Variants in ATP13A3 observed in about 807,000 individuals in gnomAD.
The protein encoded by ATP13A3 is polyamine-transporting ATPase 13A3.
Under a neutral mutation model 158.1 loss-of-function variants are expected in ATP13A3, and 59 were observed. The ratio of observed to expected loss-of-function variants is 0.37; its 90% CI spans 0.30 to 0.46. ATP13A3 has a LOEUF of 0.46. Among genes scored for constraint, ATP13A3 ranks in the 20% least tolerant of loss-of-function variants. The probability of loss-of-function intolerance (pLI) is 1.00; values close to 1 mark genes in which losing one functional copy is unlikely to be tolerated. For missense variants in ATP13A3, 1,166 were observed against 1,525.2 expected (o/e 0.76, Z 3.92); for synonymous variants, 491 against 504.3 (o/e 0.97, Z 0.35).
intron 2 of ATP13A3, among the ~76,000 whole-genome samples, chr3:194,483,527 C>T (rs897008373): frequency 6.6e-6 from 1 of 151,806 alleles, no homozygotes; most frequent in African/African-American, 2.4e-5. Context: ...AAGGTCAAGG[C>T]TGCAGTGAGC....
chr3:194,428,523 T>C (rs539180096), intron 28 of ATP13A3, among the ~76,000 whole-genome samples: 69 of 152,310 alleles, frequency 4.5e-4, no homozygotes, highest in African/African-American at 1.6e-3. Flanking sequence ...TATATCAATG[T>C]TAAATTTCCT....
chr3:194,429,608 C>T (rs975841595), intron 27 of ATP13A3, 70 bp downstream of exon 27: 1 of 1,201,334 alleles, frequency 8.3e-7, no homozygotes, highest in African/African-American at 1.5e-5. Context: ...CAAAATCAAA[C>T]ACATACGCTC....
intron 15 of ATP13A3, 41 bp downstream of exon 15, chr3:194,444,684 A>G (rs751084495): frequency 4.0e-6 from 6 of 1,502,942 alleles, no homozygotes; most frequent in African/African-American, 1.4e-5. Flanking sequence ...TTAAAATATT[A>G]AAAATAAACT....
intron 15 of ATP13A3, among the ~76,000 whole-genome samples, chr3:194,442,559 C>T (rs947870235): frequency 6.6e-6 from 1 of 151,920 alleles, no homozygotes; most frequent in African/African-American, 2.4e-5. Flanking sequence ...ACTGTAGATG[C>T]GAGAGTAGGG....
At chr3:194,486,536 C>A in intron 1 of ATP13A3, 30 bp downstream of exon 1, 2 of 152,442 alleles carry the variant, frequency 1.3e-5, no homozygotes, top group South Asian at 3.6e-4. Flanking sequence ...CCCCCGGCGC[C>A]GCTGCCCACC....
At chr3:194,460,028 TTTTCA>T in intron 4 of ATP13A3, 57 bp from the exon 5 acceptor site, 1 of 1,307,466 alleles carries the variant, frequency 7.6e-7, no homozygotes, top group Non-Finnish European at 1.1e-6. Flanking sequence ...ACTGCCTATA[TTTTCA>T]TTTATTTTCC....
At chr3:194,444,629 T>C in intron 15 of ATP13A3, 96 bp downstream of exon 15, 1 of 1,048,486 alleles carries the variant, frequency 9.5e-7, no homozygotes, top group Non-Finnish European at 1.4e-6. Context: ...CTGGTATAGG[T>C]ACACAGTTGT....
chr3:194,417,974 A>G (rs1190130348), intron 31 of ATP13A3, among the ~76,000 whole-genome samples: 1 of 113,864 alleles, frequency 8.8e-6, no homozygotes, highest in Non-Finnish European at 1.7e-5. Flanking sequence ...GAAGGAAGGA[A>G]GGAAGGAAGG....
intron 20 of ATP13A3, 27 bp from the exon 21 acceptor site, chr3:194,433,923 A>G: frequency 1.2e-6 from 2 of 1,606,910 alleles, no homozygotes; most frequent in Non-Finnish European, 8.5e-7. Context: ...TTTAACACAT[A>G]ATGGTTTAGT....
chr3:194,404,093 T>C lies in ATP13A3; in HGVS notation c.*1826A>G, dbSNP rs1230318981. On this transcript the variant is annotated 3_prime_UTR_variant, in exon 34 of 34. Coordinates refer to ENST00000645319, the MANE Select transcript of ATP13A3 (RefSeq NM_001367549.1). Reference sequence around the variant, plus strand: ...AAATCACTGAAGAATAACACGAGCATATTTGAAATTAATATGGAAATTATA... The same window carrying C: ...AAATCACTGAAGAATAACACGAGCACATTTGAAATTAATATGGAAATTATA... 2.2e-6 allele frequency: 1 copy of C among 451,408 alleles called. No individual in the cohort carries two copies. The highest frequency in any genetic ancestry group is 2.0e-5 in the African/African-American group (1 of 49,688). The allele number at this position is 451,408 out of a possible 1,614,324, so 28.0% of individuals were successfully genotyped here. A position where few individuals can be genotyped will look rare whatever the true frequency, so the allele number is the denominator to read the frequency against.
intron 31 of ATP13A3, among the ~76,000 whole-genome samples, chr3:194,414,107 T>C (rs1395427546): frequency 6.6e-6 from 1 of 152,106 alleles, no homozygotes; most frequent in Non-Finnish European, 1.5e-5. Flanking sequence ...CAAAAGCCCA[T>C]GCTCTACTAG....
At chr3:194,479,387 CTTA>C (rs1417375873) in intron 2 of ATP13A3, among the ~76,000 whole-genome samples, 2 of 151,972 alleles carry the variant, frequency 1.3e-5, no homozygotes, top group Non-Finnish European at 2.9e-5. Context: ...TACTAATCTA[CTTA>C]TTATAATTAG....
At chr3:194,422,683 C>G (rs1027289542) in intron 30 of ATP13A3, among the ~76,000 whole-genome samples, 1 of 151,918 alleles carries the variant, frequency 6.6e-6, no homozygotes, top group Non-Finnish European at 1.5e-5. Context: ...ACTATGGTAT[C>G]AAAATAAGGT....
At chr3:194,422,394 G>A (rs1261471394) in intron 30 of ATP13A3, among the ~76,000 whole-genome samples, 2 of 152,198 alleles carry the variant, frequency 1.3e-5, no homozygotes, top group African/African-American at 4.8e-5. Flanking sequence ...AAAACAAACT[G>A]TGTGTCACTG....
chr3:194,485,107 C>A (rs998897673), intron 2 of ATP13A3, among the ~76,000 whole-genome samples: 12 of 152,096 alleles, frequency 7.9e-5, no homozygotes, highest in African/African-American at 2.7e-4. Context: ...CTTTTCCTAC[C>A]CAATCCCCTG....
intron 17 of ATP13A3, 94 bp downstream of exon 17, chr3:194,438,762 G>A: frequency 1.3e-6 from 1 of 785,558 alleles, no homozygotes; most frequent in Non-Finnish European, 1.9e-6. Flanking sequence ...AACATAGCAA[G>A]ACCTTGTCTC....
chr3:194,424,217 T>C (rs1230041071), intron 30 of ATP13A3, among the ~76,000 whole-genome samples: 2 of 151,650 alleles, frequency 1.3e-5, no homozygotes, highest in African/African-American at 2.4e-5. Context: ...ATAAATAATA[T>C]AGTTATTTTT....
Position 194,430,059 on chromosome 3 carries a change from T to G in ATP13A3, c.2777+13A>C. ...AGAGAAAAAGGGATGAGAAAAATTT[T>G]AATTTGTACTACCTGATAAGGTTTG... On this transcript the variant is annotated intron_variant, in intron 26 of 33. Transcript: ENST00000645319. The G allele has an allele frequency of 6.3e-7, 1 of 1,593,522 alleles. No homozygotes were observed. Among genetic ancestry groups the G allele is most frequent in the Non-Finnish European group, 8.6e-7 (1 of 1,169,158 alleles).
At position 194,404,852 on chromosome 3, in the gene ATP13A3, A is replaced by G. The variant is rs1224532497; in HGVS notation, c.*1067T>C. The stretch of plus-strand genomic sequence containing the variant: ...CTGGCGCCACCTAATGGCATAAAAC[A>G]AACTCATCAAATTCATATTGCTTTG... On this transcript the variant is annotated 3_prime_UTR_variant, in exon 34 of 34. Coordinates refer to ENST00000645319, the MANE Select transcript of ATP13A3 (RefSeq NM_001367549.1). 1 of 152,212 alleles carries G rather than the reference A, an allele frequency of 6.6e-6. No homozygotes were observed. Among genetic ancestry groups the G allele is most frequent in the African/African-American group, 2.4e-5 (1 of 41,452 alleles). 9.4% of individuals were successfully genotyped at this position (152,212 alleles called of 1,614,324 possible).
Sources: gnomAD v4.1 joint callset for allele counts (sites outside exome capture counted in the v4.1 genomes callset) on GRCh38, gnomAD v4.1.1 for gene constraint, MANE v1.5 for transcripts, NCBI Gene and HGNC (gene_info 2026-07-23, HGNC 2026-07-21) for gene names.